Variants in ITGBL1 observed in about 807,000 individuals in gnomAD.
The protein encoded by ITGBL1 is integrin beta-like protein 1.
A neutral mutation model predicts 68.5 loss-of-function variants in ITGBL1; 51 were observed. That is an observed-to-expected ratio of 0.74 (90% CI 0.59 to 0.94). ITGBL1 has a LOEUF of 0.94. Ranked by LOEUF, ITGBL1 falls within the 40% of genes least tolerant of loss-of-function variation. The probability of loss-of-function intolerance (pLI) is 0.00; values close to 1 mark genes in which losing one functional copy is unlikely to be tolerated. For synonymous variants in ITGBL1, 209 were observed against 227.3 expected (o/e 0.92, Z 0.72); for missense variants, 649 against 647.4 (o/e 1.00, Z -0.03).
chr13:101,484,914 T>C (rs2048679198), intron 2 of ITGBL1, among the ~76,000 whole-genome samples: 1 of 152,026 alleles, frequency 6.6e-6, no homozygotes, highest in African/African-American at 2.4e-5. Context: ...CTGAAGACAC[T>C]ACACTGAGGC....
chr13:101,593,468 G>T (rs755008223), intron 6 of ITGBL1, among the ~76,000 whole-genome samples: 4 of 151,872 alleles, frequency 2.6e-5, no homozygotes, highest in African/African-American at 7.2e-5. Flanking sequence ...AGATATATCT[G>T]TACCCCTTTA....
At chr13:101,539,665 C>G (rs2049652578) in intron 2 of ITGBL1, among the ~76,000 whole-genome samples, 1 of 151,456 alleles carries the variant, frequency 6.6e-6, no homozygotes. Flanking sequence ...TACAGTCCCA[C>G]CAACAGTGTA....
At chr13:101,712,711 G>T (rs1046057248) in intron 9 of ITGBL1, 1 of 152,148 alleles carries the variant, frequency 6.6e-6, no homozygotes, top group African/African-American at 2.4e-5. Context: ...TACTCCATGT[G>T]GTCTTTGTTG....
chr13:101,601,036 T>C (rs1192165873), intron 7 of ITGBL1, among the ~76,000 whole-genome samples: 2 of 152,250 alleles, frequency 1.3e-5, no homozygotes, highest in South Asian at 2.1e-4. Flanking sequence ...CTTGTACCTC[T>C]GGTAGAATTC....
At chr13:101,568,522 A>G (rs1418967999) in intron 3 of ITGBL1, among the ~76,000 whole-genome samples, 1 of 152,120 alleles carries the variant, frequency 6.6e-6, no homozygotes, top group Non-Finnish European at 1.5e-5. Context: ...CCGTGGTTGA[A>G]CATCAGCATC....
chr13:101,709,426 A>C (rs2139595620), intron 9 of ITGBL1, among the ~76,000 whole-genome samples: 1 of 150,512 alleles, frequency 6.6e-6, no homozygotes, highest in East Asian at 2.0e-4. Flanking sequence ...GCAGGGATGG[A>C]ATTAAACTGC....
At chr13:101,458,855 G>A (rs539488108) in intron 2 of ITGBL1, among the ~76,000 whole-genome samples, 53 of 152,250 alleles carry the variant, frequency 3.5e-4, no homozygotes, top group Non-Finnish European at 4.7e-4. Flanking sequence ...ATGGAGGCCC[G>A]ACCGTATGGT....
intron 2 of ITGBL1, among the ~76,000 whole-genome samples, chr13:101,509,760 C>T (rs1462063072): frequency 2.0e-5 from 3 of 152,094 alleles, no homozygotes; most frequent in Admixed American, 6.5e-5. Flanking sequence ...CCCATAGTCC[C>T]TTTAAAGTTT....
chr13:101,478,424 C>T (rs7319700), intron 2 of ITGBL1, among the ~76,000 whole-genome samples: 83,739 of 151,946 alleles, frequency 0.55, 23,966 homozygotes, highest in Non-Finnish European at 0.6. Context: ...ATCAAGAACA[C>T]GATACGGATG....
At chr13:101,466,065 G>C (rs1284752102) in intron 2 of ITGBL1, among the ~76,000 whole-genome samples, 1 of 152,192 alleles carries the variant, frequency 6.6e-6, no homozygotes, top group Non-Finnish European at 1.5e-5. Context: ...GATCCTCTTA[G>C]TCATCCAACT....
intron 2 of ITGBL1, among the ~76,000 whole-genome samples, chr13:101,559,276 G>T (rs1294722877): frequency 2.0e-5 from 3 of 152,134 alleles, no homozygotes; most frequent in African/African-American, 7.2e-5. Context: ...CTACTTTGTT[G>T]TGAGAAAAAG....
intron 2 of ITGBL1, among the ~76,000 whole-genome samples, chr13:101,556,752 A>C (rs1271938126): frequency 1.3e-5 from 2 of 152,206 alleles, no homozygotes; most frequent in Non-Finnish European, 1.5e-5. Flanking sequence ...AAACTCCAAG[A>C]AATGTAGGTC....
rs765266793 is a variant in ITGBL1, at chr13:101,575,504, G to A, written c.544G>A (p.Asp182Asn). ...LVYGKFCECD[D>N]RECIDDETEE... is the part of the protein sequence containing the mutation. ...GTATGGTAAATTTTGTGAGTGTGAC[G>A]ATAGAGAATGCATAGACGATGAAAC... Residue 182 changes from aspartate (D) to asparagine (N), a missense_variant, in exon 4 of 11, where the codon GAT (aspartate) becomes AAT (asparagine). Transcript: ENST00000376180. The A allele has an allele frequency of 2.2e-5, 36 of 1,612,408 alleles. No individual in the cohort carries two copies. The highest frequency in any genetic ancestry group is 4.5e-5 in the East Asian group (2 of 44,814).
At chr13:101,707,432 A>G (rs572311473) in intron 9 of ITGBL1, among the ~76,000 whole-genome samples, 18 of 152,196 alleles carry the variant, frequency 1.2e-4, no homozygotes, top group Admixed American at 1.2e-3. Flanking sequence ...TTTTTTAAAA[A>G]GGAAAGAAAA....
chr13:101,594,581 G>A (rs2050711639), intron 6 of ITGBL1, among the ~76,000 whole-genome samples: 1 of 152,018 alleles, frequency 6.6e-6, no homozygotes, highest in African/African-American at 2.4e-5. Flanking sequence ...AAATAAATGA[G>A]TGGGACTGCA....
intron 2 of ITGBL1, among the ~76,000 whole-genome samples, chr13:101,544,882 C>T (rs556730817): frequency 2.5e-4 from 38 of 152,324 alleles, no homozygotes; most frequent in African/African-American, 8.2e-4. Context: ...CCTGGTGTGC[C>T]GTTTGCTAAG....
intron 2 of ITGBL1, among the ~76,000 whole-genome samples, chr13:101,473,449 G>A (rs1223971068): frequency 6.6e-6 from 1 of 152,218 alleles, no homozygotes; most frequent in Non-Finnish European, 1.5e-5. Context: ...CCTACAGACA[G>A]ATCATTTTGA....
At chr13:101,585,250 G>A (rs1437379456) in intron 6 of ITGBL1, among the ~76,000 whole-genome samples, 1 of 152,148 alleles carries the variant, frequency 6.6e-6, no homozygotes, top group Non-Finnish European at 1.5e-5. Flanking sequence ...ATGGAAGGAA[G>A]CTGTCAAGTT....
At position 101,605,074 on chromosome 13, in the gene ITGBL1, A is replaced by G. The variant is rs1320993401; in HGVS notation, c.1015+6775A>G. On this transcript the variant is annotated intron_variant, in intron 7 of 10. Transcript: ENST00000376180. The stretch of plus-strand genomic sequence containing the variant: ...TGTGTATATGTGTATATGTGTATAT[A>G]CATATATGCGTATATGTGTATATGT... Among the ~76,000 whole-genome samples, 7 of 145,424 alleles carry G rather than the reference A, an allele frequency of 4.8e-5. 1 individual carries two copies. Among genetic ancestry groups the G allele is most frequent in the Admixed American group, 2.8e-4 (4 of 14,448 alleles).
Sources: allele counts gnomAD v4.1 joint callset (sites outside exome capture counted in the v4.1 genomes callset), GRCh38; gene constraint gnomAD v4.1.1; transcripts MANE v1.5; gene names NCBI Gene and HGNC (gene_info 2026-07-23, HGNC 2026-07-21).